The following TRMT6 variants were observed in gnomAD, a reference collection of about 807,000 sequenced individuals.
The protein encoded by TRMT6 is tRNA (adenine(58)-N(1))-methyltransferase non-catalytic subunit TRM6.
A neutral mutation model predicts 59.0 loss-of-function variants in TRMT6; 34 were observed. That is an observed-to-expected ratio of 0.58 (90% CI 0.44 to 0.77). The LOEUF (loss-of-function observed/expected upper bound fraction) is 0.77. Among genes scored for constraint, TRMT6 ranks in the 30% least tolerant of loss-of-function variants. The pLI is 0.00. For missense variants in TRMT6, 575 were observed against 604.5 expected (o/e 0.95, Z 0.51); for synonymous variants, 217 against 210.5 (o/e 1.03, Z -0.27).
Position 5,937,859 on chromosome 20 carries a change from T to C in TRMT6, c.*676A>G, listed in dbSNP as rs2088621189. On this transcript the variant is annotated 3_prime_UTR_variant, in exon 11 of 11. Transcript: ENST00000203001. The stretch of plus-strand genomic sequence containing the variant: ...GGAAAAGACATTTGTTTCCTTTAAT[T>C]GAATAGTACACAAAAATTCTAGTCA... 1 of 152,164 alleles carries C rather than the reference T, an allele frequency of 6.6e-6. No individual in the cohort carries two copies. The highest frequency in any genetic ancestry group is 1.5e-5 in the Non-Finnish European group (1 of 68,028). 9.4% of individuals were successfully genotyped at this position (152,164 alleles called of 1,614,324 possible). A position where few individuals can be genotyped will look rare whatever the true frequency, so the allele number is the denominator to read the frequency against.
chr20:5,948,421 C>G lies in TRMT6; in HGVS notation c.128+1857G>C, dbSNP rs140752721. On this transcript the variant is annotated intron_variant, in intron 1 of 10. Coordinates refer to ENST00000203001, the MANE Select transcript of TRMT6 (RefSeq NM_015939.5). ...TGAGGGAGTCTGACCTGGGATGCAG[C>G]TGAGCTGAGAGAGTCATTTCCTAAA... 2.6e-3 allele frequency among the ~76,000 whole-genome samples: 391 copies of G among 152,280 alleles called. 1 individual carries two copies. Among genetic ancestry groups the G allele is most frequent in the African/African-American group, 9.0e-3 (372 of 41,548 alleles).
In TRMT6 at chr20:5,939,986, T is replaced by C. The variant is rs148195665; in HGVS notation, c.1302+1067A>G. 1.8e-3 allele frequency among the ~76,000 whole-genome samples: 278 copies of C among 152,320 alleles called. 2 individuals carry two copies. The highest frequency in any genetic ancestry group is 6.5e-3 in the African/African-American group (271 of 41,588). On this transcript the variant is annotated intron_variant, in intron 10 of 10. Coordinates refer to ENST00000203001, the MANE Select transcript of TRMT6 (RefSeq NM_015939.5). ...CGCTCCTTTGGGATCCACTGCAGCA[T>C]TCATACCGAGGGAGGCCATGGGTTG...
rs974937362 is a variant in TRMT6, at chr20:5,938,426, A to C, written c.*109T>G. Reference sequence around the variant, plus strand: ...CTCCTTCCTAGAAACGGGTACATAGACATGTTCTTATTCTTGGGATATGAA... The same window carrying C: ...CTCCTTCCTAGAAACGGGTACATAGCCATGTTCTTATTCTTGGGATATGAA... On this transcript the variant is annotated 3_prime_UTR_variant, in exon 11 of 11. Coordinates refer to ENST00000203001, the MANE Select transcript of TRMT6 (RefSeq NM_015939.5). 2.6e-6 allele frequency: 3 copies of C among 1,147,646 alleles called. No homozygotes were observed. Among genetic ancestry groups the C allele is most frequent in the African/African-American group, 3.1e-5 (2 of 64,536 alleles). 71.1% of individuals were successfully genotyped at this position (1,147,646 alleles called of 1,614,324 possible). A position where few individuals can be genotyped will look rare whatever the true frequency, so the allele number is the denominator to read the frequency against.
rs1240431004 is a variant in TRMT6, at chr20:5,942,574, C to G, written c.880G>C (p.Glu294Gln). 6.2e-7 allele frequency: 1 copy of G among 1,614,112 alleles called. No homozygotes were observed. The highest frequency in any genetic ancestry group is 8.5e-7 in the Non-Finnish European group (1 of 1,180,022). Residue 294 changes from glutamate to glutamine, a missense_variant, in exon 7 of 11, where the codon GAA becomes CAA. Coordinates refer to ENST00000203001, the MANE Select transcript of TRMT6 (RefSeq NM_015939.5). ...LVEESNGTLE[E>Q]KQASEQENED... Reference sequence around the variant, plus strand: ...TTCTCTTGTTCAGAAGCCTGTTTTTCCTCCAGTGTGCCATTACTTTCTTCA... The same window carrying G: ...TTCTCTTGTTCAGAAGCCTGTTTTTGCTCCAGTGTGCCATTACTTTCTTCA...
At position 5,937,575 on chromosome 20, in the gene TRMT6, G is replaced by C. The variant is rs945150225; in HGVS notation, c.*960C>G. 2.0e-5 allele frequency: 3 copies of C among 152,138 alleles called. No homozygotes were observed. Among genetic ancestry groups the C allele is most frequent in the African/African-American group, 7.2e-5 (3 of 41,406 alleles). 9.4% of individuals were successfully genotyped at this position (152,138 alleles called of 1,614,324 possible). ...TTAATAATCAAGAAAGGCACTTTAG[G>C]GACATTTGACAAGGAATGACACTAA... On this transcript the variant is annotated 3_prime_UTR_variant, in exon 11 of 11. Coordinates refer to ENST00000203001, the MANE Select transcript of TRMT6 (RefSeq NM_015939.5).
chr20:5,941,668 C>T (rs1015971501), intron 8 of TRMT6: 4 of 540,912 alleles, frequency 7.4e-6, no homozygotes, highest in African/African-American at 5.7e-5. Flanking sequence ...TAGCCTGTAT[C>T]GCAGCATTTG....
rs779119821 is a variant in TRMT6, at chr20:5,946,405, C to A, written c.256+1G>T. On this transcript the variant is annotated splice_donor_variant, in intron 2 of 10. Coordinates refer to ENST00000203001, the MANE Select transcript of TRMT6 (RefSeq NM_015939.5). LOFTEE classifies it high-confidence loss of function. ...CTATTTCACGCATCCAAAATGTGCA[C>A]CTGCAGTAGGCTCTTCCCTCTTCTT... 6.2e-7 allele frequency: 1 copy of A among 1,614,088 alleles called. No individual in the cohort carries two copies.
intron 8 of TRMT6, 97 bp from the exon 9 acceptor site, chr20:5,941,442 T>C: frequency 2.4e-6 from 2 of 842,576 alleles, no homozygotes; most frequent in Non-Finnish European, 1.9e-6. Flanking sequence ...TTAATTTGCA[T>C]GACTCACAAA....
intron 6 of TRMT6, 104 bp downstream of exon 6, chr20:5,943,455 A>G (rs754372362): frequency 2.0e-6 from 3 of 1,472,268 alleles, no homozygotes; most frequent in Admixed American, 1.9e-5. Context: ...CACTTTGTTA[A>G]CCCTGAAGTA....
At chr20:5,950,039 C>A (rs556069436) in intron 1 of TRMT6, among the ~76,000 whole-genome samples, 8 of 152,110 alleles carry the variant, frequency 5.3e-5, no homozygotes, top group Non-Finnish European at 1.0e-4. Context: ...GATATGAAAT[C>A]ATGGAGGGGG....
In TRMT6 at chr20:5,950,298, T is replaced by C; in HGVS notation, c.108A>G (p.Ala36=). 1 of 1,611,992 alleles carries C rather than the reference T, an allele frequency of 6.2e-7. No homozygotes were observed. The highest frequency in any genetic ancestry group is 8.5e-7 in the Non-Finnish European group (1 of 1,178,844). Residue 36 remains alanine (A), a synonymous_variant, in exon 1 of 11, where the codon GCA becomes GCG. Transcript: ENST00000203001. ...CTTACTTTCTCCGCTGGACTTGTAC[T>C]GCTTTAAACACATCTTCACGTTTCA... ...VVLKREDVFK[A]VQVQRRKKVT...
chr20:5,950,383 G>A lies in TRMT6; in HGVS notation c.23C>T (p.Pro8Leu), dbSNP rs2122621354. MEGSGEQ[P>L]GPQPQHPGDH... ...TCCGGGATGCTGTGGTTGTGGGCCC[G>A]GCTGCTCCCCTGAGCCCTCCATGAC... The change falls in exon 1 of 11, where the codon CCG becomes CTG. Residue 8 changes from proline to leucine, a missense_variant. By Grantham distance (98) the Pro-to-Leu change is moderately conservative. Coordinates refer to ENST00000203001, the MANE Select transcript of TRMT6 (RefSeq NM_015939.5). The A allele has an allele frequency of 6.2e-7, 1 of 1,605,874 alleles. No individual in the cohort carries two copies. Among genetic ancestry groups the A allele is most frequent in the Non-Finnish European group, 8.5e-7 (1 of 1,179,658 alleles).
rs760345613 is a variant in TRMT6, at chr20:5,950,364, A to T, written c.42T>A (p.His14Gln). 6.2e-7 allele frequency: 1 copy of T among 1,610,422 alleles called. No homozygotes were observed. Among genetic ancestry groups the T allele is most frequent in the Non-Finnish European group, 8.5e-7 (1 of 1,179,860 alleles). ...SGEQPGPQPQHPGDHRIRDGD... is the reference protein window; with the variant it reads ...SGEQPGPQPQQPGDHRIRDGD... Reference sequence around the variant, plus strand: ...CGTCGCGGATGCGGTGGTCTCCGGGATGCTGTGGTTGTGGGCCCGGCTGCT... The same window carrying T: ...CGTCGCGGATGCGGTGGTCTCCGGGTTGCTGTGGTTGTGGGCCCGGCTGCT... Residue 14 changes from histidine (H) to glutamine (Q), a missense_variant, in exon 1 of 11, where the codon CAT becomes CAA. Coordinates refer to ENST00000203001, the MANE Select transcript of TRMT6 (RefSeq NM_015939.5).
At chr20:5,948,411 T>C (rs2088727166) in intron 1 of TRMT6, among the ~76,000 whole-genome samples, 1 of 152,160 alleles carries the variant, frequency 6.6e-6, no homozygotes. Context: ...GAGTCTGACC[T>C]GGGATGCAGC....
At chr20:5,946,003 C>T (rs1334620928) in intron 2 of TRMT6, among the ~76,000 whole-genome samples, 6 of 152,138 alleles carry the variant, frequency 3.9e-5, no homozygotes, top group Admixed American at 6.5e-5. Flanking sequence ...AGTTGCCCAA[C>T]GGTACAAGGC....
At position 5,942,454 on chromosome 20, in the gene TRMT6, T is replaced by C; in HGVS notation, c.1000A>G (p.Lys334Glu). Residue 334 changes from lysine (K) to glutamate (E), a missense_variant, in exon 7 of 11, where the codon AAA (lysine) becomes GAA (glutamate). By Grantham distance (56) the Lys-to-Glu change is moderately conservative. Transcript: ENST00000203001. Reference sequence around the variant, plus strand: ...TAATCTTTTTTGCTTCCTCTCTCTTTAGGCCCCTTATGTTCTGGATCTTGA... The same window carrying C: ...TAATCTTTTTTGCTTCCTCTCTCTTCAGGCCCCTTATGTTCTGGATCTTGA... ...ISQDPEHKGP[K>E]ERGSKKDYIQ... 1 of 1,614,070 alleles carries C rather than the reference T, an allele frequency of 6.2e-7. No individual in the cohort carries two copies. The highest frequency in any genetic ancestry group is 1.1e-5 in the South Asian group (1 of 91,062).
At chr20:5,943,361 G>T (rs1249001651) in intron 6 of TRMT6, among the ~76,000 whole-genome samples, 198 bp downstream of exon 6, 1 of 152,170 alleles carries the variant, frequency 6.6e-6, no homozygotes, top group Non-Finnish European at 1.5e-5. Flanking sequence ...CCATGGGTTT[G>T]GGGGTACCCA....
Position 5,944,213 on chromosome 20 carries a change from C to T in TRMT6, c.407G>A (p.Arg136Gln), listed in dbSNP as rs770852149. The T allele has an allele frequency of 3.4e-5, 54 of 1,569,780 alleles. No homozygotes were observed. The highest frequency in any genetic ancestry group is 6.1e-5 in the South Asian group (5 of 82,052). Residue 136 changes from arginine to glutamine, a missense_variant, in exon 4 of 11, where the codon CGA (arginine) becomes CAA (glutamine). Transcript: ENST00000203001. ...QQLIENSTTFRDKTEFAQDKY... is the reference protein window; with the variant it reads ...QQLIENSTTFQDKTEFAQDKY... The stretch of plus-strand genomic sequence containing the variant: ...ATCTTGGGCAAATTCTGTCTTGTCT[C>T]GGAATGTTGTACTATTTTCAATTAA...
rs780731924 is a variant in TRMT6, at chr20:5,943,602, C to T, written c.624G>A (p.Thr208=). 19 of 1,614,104 alleles carry T rather than the reference C, an allele frequency of 1.2e-5. No homozygotes were observed. The highest frequency in any genetic ancestry group is 1.4e-5 in the Non-Finnish European group (17 of 1,180,048). The change falls in exon 6 of 11, where the codon ACG becomes ACA. Residue 208 remains threonine, a synonymous_variant. Transcript: ENST00000203001. ...TTGCACCCAGCACCAAGCCTGCACA[C>T]GTTTCCATCACAATCATTTTGTTGC... The part of the protein sequence containing the change: ...RAGNKMIVME[T]CAGLVLGAMM...
Sources: gnomAD v4.1 joint callset for allele counts (sites outside exome capture counted in the v4.1 genomes callset) on GRCh38, gnomAD v4.1.1 for gene constraint, MANE v1.5 for transcripts, NCBI Gene and HGNC (gene_info 2026-07-23, HGNC 2026-07-21) for gene names.